Variants in PPP3R1 observed in about 807,000 individuals in gnomAD.
PPP3R1 encodes the protein calcineurin subunit B type 1.
A neutral mutation model predicts 22.6 loss-of-function variants in PPP3R1; 5 were observed. That is an observed-to-expected ratio of 0.22 (90% CI 0.12 to 0.46). The LOEUF (loss-of-function observed/expected upper bound fraction) is 0.46. Ranked by LOEUF, PPP3R1 falls within the 20% of genes least tolerant of loss-of-function variation. The pLI is 0.99. For missense variants in PPP3R1, 61 were observed against 203.2 expected (o/e 0.30, Z 4.25); for synonymous variants, 56 against 65.2 (o/e 0.86, Z 0.68).
rs752898285 is a variant in PPP3R1, at chr2:68,187,301, G to A, written c.234C>T (p.Gly78=). The change falls in exon 4 of 6, where the codon GGC becomes GGT. Residue 78 remains glycine, a synonymous_variant. Coordinates refer to ENST00000234310, the MANE Select transcript of PPP3R1 (RefSeq NM_000945.4). ...CTCCTTTGACACTGAACTGAGAGACGCCCTCAATGAATTCTGAATAAGAGT... is the reference window on the plus strand; with the variant it reads ...CTCCTTTGACACTGAACTGAGAGACACCCTCAATGAATTCTGAATAAGAGT... The part of the protein sequence containing the change: ...GEVDFKEFIE[G]VSQFSVKGDK... 12 of 1,610,078 alleles carry A rather than the reference G, an allele frequency of 7.5e-6. No individual in the cohort carries two copies. The Admixed American group carries it at 8.4e-5, about 11-fold the overall frequency.
intron 2 of PPP3R1, among the ~76,000 whole-genome samples, chr2:68,206,969 GC>G (rs1292233916): frequency 1.3e-5 from 2 of 152,082 alleles, no homozygotes; most frequent in Non-Finnish European, 2.9e-5. Flanking sequence ...GGATGAGAAG[GC>G]ATGACAGGAA....
chr2:68,204,696 C>T (rs1675074010), intron 2 of PPP3R1, among the ~76,000 whole-genome samples: 1 of 152,176 alleles, frequency 6.6e-6, no homozygotes, highest in South Asian at 2.1e-4. Context: ...ACATGGTAAG[C>T]ACCATACCAT....
At chr2:68,197,660 TTG>T (rs1331160517) in intron 2 of PPP3R1, among the ~76,000 whole-genome samples, 1 of 152,086 alleles carries the variant, frequency 6.6e-6, no homozygotes. Context: ...TATTAGTGAA[TTG>T]TGCTTTTAAA....
chr2:68,244,628 G>A (rs529134137), intron 1 of PPP3R1, among the ~76,000 whole-genome samples: 5 of 151,034 alleles, frequency 3.3e-5, no homozygotes, highest in African/African-American at 9.7e-5. Context: ...CATTAATCAC[G>A]CTCTTACAGC....
In PPP3R1 at chr2:68,180,387, T is replaced by C. The variant is rs1165290723; in HGVS notation, c.*576A>G. 6.6e-6 allele frequency: 1 copy of C among 152,596 alleles called. No individual in the cohort carries two copies. 9.5% of individuals were successfully genotyped at this position (152,596 alleles called of 1,614,324 possible). ...ACAAAAATGTAATTAAGGTAAATAA[T>C]AGGACGTTAACAAATGCTTTGTCAA... is the stretch of plus-strand genomic sequence containing the variant. On this transcript the variant is annotated 3_prime_UTR_variant, in exon 6 of 6. Transcript: ENST00000234310.
intron 1 of PPP3R1, 35 bp from the exon 2 acceptor site, chr2:68,217,166 T>C (rs929293658): frequency 1.3e-6 from 2 of 1,490,906 alleles, no homozygotes; most frequent in African/African-American, 2.8e-5. Flanking sequence ...AGTCATAAAA[T>C]AGGCACAAAT....
At chr2:68,229,884 G>C (rs1669852535) in intron 1 of PPP3R1, among the ~76,000 whole-genome samples, 1 of 151,598 alleles carries the variant, frequency 6.6e-6, no homozygotes, top group Non-Finnish European at 1.5e-5. Context: ...GTATGTATGT[G>C]TGTATATATA....
At chr2:68,233,471 G>C (rs1669958691) in intron 1 of PPP3R1, among the ~76,000 whole-genome samples, 2 of 152,104 alleles carry the variant, frequency 1.3e-5, no homozygotes, top group Admixed American at 6.5e-5. Flanking sequence ...CTAGGAATGA[G>C]ACTTCCAATA....
At chr2:68,193,908 T>G (rs1336149354) in intron 2 of PPP3R1, among the ~76,000 whole-genome samples, 1 of 152,100 alleles carries the variant, frequency 6.6e-6, no homozygotes, top group African/African-American at 2.4e-5. Flanking sequence ...TTAAATATAT[T>G]TTTTTCCTGC....
intron 2 of PPP3R1, among the ~76,000 whole-genome samples, chr2:68,194,274 T>C (rs1430737715): frequency 6.6e-6 from 1 of 152,132 alleles, no homozygotes; most frequent in Admixed American, 6.5e-5. Context: ...AACAGACTGT[T>C]GAGACTTAAC....
At chr2:68,190,254 T>TGA (rs1491128472) in intron 2 of PPP3R1, among the ~76,000 whole-genome samples, 1 of 85,522 alleles carries the variant, frequency 1.2e-5, no homozygotes, top group African/African-American at 4.4e-5. Flanking sequence ...CAAGTTTCTC[T>TGA]TAAAAAAAAA....
At chr2:68,240,844 G>A (rs1670110721) in intron 1 of PPP3R1, among the ~76,000 whole-genome samples, 1 of 152,126 alleles carries the variant, frequency 6.6e-6, no homozygotes, top group Admixed American at 6.5e-5. Flanking sequence ...AATTTTAAAC[G>A]GGAAAGTAAT....
chr2:68,204,996 A>G (rs1675084108), intron 2 of PPP3R1, among the ~76,000 whole-genome samples: 1 of 152,186 alleles, frequency 6.6e-6, no homozygotes, highest in African/African-American at 2.4e-5. Context: ...TTAAATAATT[A>G]TTTCTTATTG....
Position 68,199,957 on chromosome 2 carries a change from A to G in PPP3R1, c.44-11267T>C, listed in dbSNP as rs1674941440. ...AGGTAATGCTAGCTTCTATTTTCTA[A>G]GAGTCTAGATAAGACTGTGTTTCTT... On this transcript the variant is annotated intron_variant, in intron 2 of 5. Coordinates refer to ENST00000234310, the MANE Select transcript of PPP3R1 (RefSeq NM_000945.4). Among the ~76,000 whole-genome samples the G allele has an allele frequency of 2.6e-5, 4 of 152,170 alleles. No homozygotes were observed. In the South Asian group the frequency reaches 8.3e-4, roughly 32 times the overall value.
chr2:68,228,457 A>G (rs1188426687), intron 1 of PPP3R1, among the ~76,000 whole-genome samples: 1 of 152,160 alleles, frequency 6.6e-6, no homozygotes, highest in Non-Finnish European at 1.5e-5. Flanking sequence ...AAGTTGTCAA[A>G]TTTATGTATA....
chr2:68,232,124 T>TACACACACACAAAAAC (rs1669918601), intron 1 of PPP3R1, among the ~76,000 whole-genome samples: 4 of 97,976 alleles, frequency 4.1e-5, no homozygotes, highest in East Asian at 3.2e-4. Context: ...TATATATATA[T>TACACACACACAAAAAC]ACACACACAC....
chr2:68,218,802 G>A (rs571132192), intron 1 of PPP3R1, among the ~76,000 whole-genome samples: 1 of 151,540 alleles, frequency 6.6e-6, no homozygotes, highest in South Asian at 2.1e-4. Flanking sequence ...GTGGTTTCAA[G>A]CAGGATTTTA....
rs756321770 is a variant in PPP3R1 at position 68,181,021 on chromosome 2, C to G, written c.466-11G>C. ...TAGGCCACCTACAACCTGCAACAGA[C>G]AGGAACAAATCAAGCTTCACAGTGT... On this transcript the variant is annotated splice_polypyrimidine_tract_variant and intron_variant, in intron 5 of 5. Transcript: ENST00000234310. 2.5e-6 allele frequency: 4 copies of G among 1,611,484 alleles called. No homozygotes were observed. The highest frequency in any genetic ancestry group is 3.4e-6 in the Non-Finnish European group (4 of 1,177,700).
chr2:68,189,261 T>A (rs901595324), intron 2 of PPP3R1, among the ~76,000 whole-genome samples: 5 of 150,234 alleles, frequency 3.3e-5, no homozygotes, highest in African/African-American at 1.2e-4. Context: ...GCCAGTTTCC[T>A]AAATATTCTT....
Sources: gnomAD v4.1 joint callset for allele counts (sites outside exome capture counted in the v4.1 genomes callset) on GRCh38, gnomAD v4.1.1 for gene constraint, MANE v1.5 for transcripts, NCBI Gene and HGNC (gene_info 2026-07-23, HGNC 2026-07-21) for gene names.